Variants in MYO6 observed in about 807,000 individuals in gnomAD.
MYO6 encodes the protein unconventional myosin-VI.
A neutral mutation model predicts 178.7 loss-of-function variants in MYO6; 74 were observed. That is an observed-to-expected ratio of 0.41 (90% CI 0.34 to 0.50). The LOEUF (loss-of-function observed/expected upper bound fraction) is 0.50. Ranked by LOEUF, MYO6 falls within the 20% of genes least tolerant of loss-of-function variation. The probability of loss-of-function intolerance (pLI) is 0.09; values close to 1 mark genes in which losing one functional copy is unlikely to be tolerated. For synonymous variants in MYO6, 477 were observed against 504.6 expected (o/e 0.95, Z 0.73); for missense variants, 1,330 against 1,547.4 (o/e 0.86, Z 2.36).
intron 11 of MYO6, 40 bp from the exon 12 acceptor site, chr6:75,855,099 A>G: frequency 6.6e-7 from 1 of 1,505,840 alleles, no homozygotes; most frequent in East Asian, 2.5e-5. Flanking sequence ...TCTGGTTTAT[A>G]TAATACTTAT....
At chr6:75,898,548 A>G (rs1044050997) in intron 30 of MYO6, 137 bp downstream of exon 30, 8 of 754,302 alleles carry the variant, frequency 1.1e-5, no homozygotes, top group Non-Finnish European at 1.8e-5. Flanking sequence ...TTTCTGTACA[A>G]GAAATATCAC....
At chr6:75,814,632 C>G (rs1457905936) in intron 1 of MYO6, among the ~76,000 whole-genome samples, 1 of 152,078 alleles carries the variant, frequency 6.6e-6, no homozygotes, top group Non-Finnish European at 1.5e-5. Flanking sequence ...ATGGTTGAGG[C>G]AGGTTGATTG....
intron 16 of MYO6, among the ~76,000 whole-genome samples, chr6:75,865,940 G>GA (rs566684574): frequency 4.5e-4 from 69 of 152,284 alleles, no homozygotes; most frequent in African/African-American, 1.6e-3. Context: ...TGGGCTTTGG[G>GA]ATGTTTAAAA....
chr6:75,749,263 A>C lies in MYO6; in HGVS notation c.-208A>C, dbSNP rs1021842695. On this transcript the variant is annotated 5_prime_UTR_variant, in exon 1 of 35. Transcript: ENST00000369977. ...CGGAGACCGACTCGGGATCTGTCCG[A>C]GCAGGAAGCCAGCCTCAGCCCGGCC... The C allele has an allele frequency of 4.0e-5, 6 of 151,778 alleles. No homozygotes were observed. Among genetic ancestry groups the C allele is most frequent in the African/African-American group, 1.5e-4 (6 of 41,304 alleles). 9.4% of individuals were successfully genotyped at this position (151,778 alleles called of 1,614,324 possible). A position where few individuals can be genotyped will look rare whatever the true frequency, so the allele number is the denominator to read the frequency against.
chr6:75,859,806 C>T (rs564239311), intron 14 of MYO6, among the ~76,000 whole-genome samples: 2 of 151,942 alleles, frequency 1.3e-5, no homozygotes, highest in Non-Finnish European at 1.5e-5. Context: ...ACTACAGGCA[C>T]GCGCCACCAT....
chr6:75,793,460 C>T (rs1768453676), intron 1 of MYO6, among the ~76,000 whole-genome samples: 1 of 151,848 alleles, frequency 6.6e-6, no homozygotes, highest in South Asian at 2.1e-4. Flanking sequence ...AAAAATTAGC[C>T]AGACATGGTG....
chr6:75,822,671 A>G, intron 2 of MYO6, 111 bp from the exon 3 acceptor site: 1 of 783,484 alleles, frequency 1.3e-6, no homozygotes, highest in South Asian at 1.4e-5. Flanking sequence ...TTATATTTTA[A>G]TAAAGAGCAT....
At chr6:75,904,743 C>T (rs1490511233) in intron 30 of MYO6, among the ~76,000 whole-genome samples, 1 of 152,206 alleles carries the variant, frequency 6.6e-6, no homozygotes, top group East Asian at 1.9e-4. Flanking sequence ...AAGTCATTCT[C>T]CGTCCAGCTT....
At chr6:75,853,166 C>A (rs1775428754) in intron 11 of MYO6, among the ~76,000 whole-genome samples, 1 of 152,090 alleles carries the variant, frequency 6.6e-6, no homozygotes, top group Admixed American at 6.5e-5. Flanking sequence ...AGATTCTTTG[C>A]CCATTTATTA....
intron 11 of MYO6, among the ~76,000 whole-genome samples, chr6:75,853,636 C>A (rs1775477235): frequency 6.6e-6 from 1 of 152,010 alleles, no homozygotes; most frequent in South Asian, 2.1e-4. Context: ...TGTAAGGTCT[C>A]ATTTTTCACA....
intron 1 of MYO6, among the ~76,000 whole-genome samples, chr6:75,806,430 ATGGCTTCT>A: frequency 6.6e-6 from 1 of 152,052 alleles, no homozygotes; most frequent in East Asian, 1.9e-4. Context: ...GTGAGTGTCC[ATGGCTTCT>A]TCCAGGCAGA....
intron 1 of MYO6, among the ~76,000 whole-genome samples, chr6:75,801,374 TC>T (rs1353134300): frequency 2.6e-5 from 4 of 151,816 alleles, no homozygotes; most frequent in Admixed American, 6.6e-5. Flanking sequence ...GGGTGGTTGT[TC>T]TTGCATGGCT....
chr6:75,851,180 A>G (rs1247288261), intron 11 of MYO6, among the ~76,000 whole-genome samples: 2 of 152,188 alleles, frequency 1.3e-5, no homozygotes, highest in East Asian at 1.9e-4. Flanking sequence ...GCAGTTGTAT[A>G]GAGTATTATA....
At chr6:75,885,768 G>T (rs1778383769) in intron 23 of MYO6, among the ~76,000 whole-genome samples, 1 of 152,210 alleles carries the variant, frequency 6.6e-6, no homozygotes, top group Admixed American at 6.5e-5. Context: ...AACCTGGGAG[G>T]TGGAGGTTGC....
chr6:75,880,268 CA>C (rs1777907160), intron 22 of MYO6, 148 bp downstream of exon 22: 1 of 681,124 alleles, frequency 1.5e-6, no homozygotes, highest in Admixed American at 3.0e-5. Context: ...TACCATTTCT[CA>C]GAAAAGAAAA....
rs1454358426 is a variant in MYO6, at chr6:75,916,827, A to C, written c.*1815A>C. The C allele has an allele frequency of 1.3e-5, 2 of 152,192 alleles. No homozygotes were observed. The highest frequency in any genetic ancestry group is 4.8e-5 in the African/African-American group (2 of 41,454). 9.4% of individuals were successfully genotyped at this position (152,192 alleles called of 1,614,324 possible). A position where few individuals can be genotyped will look rare whatever the true frequency, so the allele number is the denominator to read the frequency against. Reference sequence around the variant, plus strand: ...AGAGTTAAACATATTTAAATGAGAGAATCTAATGTTTCAGAAATTTGTAAG... The same window carrying C: ...AGAGTTAAACATATTTAAATGAGAGCATCTAATGTTTCAGAAATTTGTAAG... On this transcript the variant is annotated 3_prime_UTR_variant, in exon 35 of 35. Coordinates refer to ENST00000369977, the MANE Select transcript of MYO6 (RefSeq NM_004999.4).
intron 1 of MYO6, among the ~76,000 whole-genome samples, chr6:75,801,676 C>T (rs544276815): frequency 7.2e-5 from 11 of 152,316 alleles, no homozygotes; most frequent in Non-Finnish European, 1.0e-4. Context: ...CACAGTGGCT[C>T]ATGCCTGTAA....
chr6:75,789,985 A>G (rs1368246580), intron 1 of MYO6, among the ~76,000 whole-genome samples: 2 of 152,168 alleles, frequency 1.3e-5, no homozygotes, highest in Non-Finnish European at 2.9e-5. Flanking sequence ...GAGTTCTTAC[A>G]GTGTTTGTCT....
chr6:75,907,786 G>GTGTGTA, intron 31 of MYO6, 78 bp downstream of exon 31: 8 of 841,550 alleles, frequency 9.5e-6, no homozygotes, highest in Non-Finnish European at 1.4e-5. Flanking sequence ...GGTGAGGTGT[G>GTGTGTA]TGTGTGTATG....
Sources: gnomAD v4.1 joint callset for allele counts (sites outside exome capture counted in the v4.1 genomes callset) on GRCh38, gnomAD v4.1.1 for gene constraint, MANE v1.5 for transcripts, NCBI Gene and HGNC (gene_info 2026-07-23, HGNC 2026-07-21) for gene names.